TBC1D19: variants seen among roughly 807,000 people sequenced by gnomAD.
TBC1D19 encodes the protein TBC1 domain family, member 19.
A neutral mutation model predicts 89.0 loss-of-function variants in TBC1D19; 60 were observed. The observed-to-expected ratio is 0.67, with a 90% CI of 0.55 to 0.84. The LOEUF (loss-of-function observed/expected upper bound fraction) is 0.84, where lower values mean the gene tolerates loss of function less well. TBC1D19 is among the 40% of genes least tolerant of loss of function. The pLI is 0.00. For synonymous variants in TBC1D19, 189 were observed against 199.7 expected (o/e 0.95, Z 0.45); for missense variants, 500 against 610.8 (o/e 0.82, Z 1.91).
At chr4:26,692,644 G>A (rs1243500606) in intron 13 of TBC1D19, among the ~76,000 whole-genome samples, 1 of 152,084 alleles carries the variant, frequency 6.6e-6, no homozygotes, top group East Asian at 1.9e-4. Flanking sequence ...AACCTAATGG[G>A]TCTCTGAACA....
At chr4:26,731,626 C>G (rs1259544222) in intron 15 of TBC1D19, among the ~76,000 whole-genome samples, 1 of 152,028 alleles carries the variant, frequency 6.6e-6, no homozygotes, top group Non-Finnish European at 1.5e-5. Context: ...AAAGAGAAAA[C>G]AAGTATACAG....
intron 13 of TBC1D19, among the ~76,000 whole-genome samples, chr4:26,711,306 GA>G (rs1716171205): frequency 6.6e-6 from 1 of 151,898 alleles, no homozygotes; most frequent in Non-Finnish European, 1.5e-5. Context: ...GCTTGTTTTT[GA>G]CAGGTGAGGG....
At chr4:26,595,360 G>C (rs1387191697) in intron 1 of TBC1D19, among the ~76,000 whole-genome samples, 1 of 151,914 alleles carries the variant, frequency 6.6e-6, no homozygotes, top group Admixed American at 6.6e-5. Flanking sequence ...TCCAATCTGT[G>C]GCTAGTCTTT....
At chr4:26,600,829 C>G (rs1168730290) in intron 1 of TBC1D19, among the ~76,000 whole-genome samples, 1 of 152,182 alleles carries the variant, frequency 6.6e-6, no homozygotes, top group African/African-American at 2.4e-5. Context: ...GAAACTAGAG[C>G]TTATTCCTGG....
chr4:26,809,329 G>A, the TBC1D19 span, among the ~76,000 whole-genome samples: 1 of 152,154 alleles, frequency 6.6e-6, no homozygotes, highest in Admixed American at 6.5e-5. Context: ...TATGGCTGAG[G>A]GACTGGACAA....
intron 17 of TBC1D19, among the ~76,000 whole-genome samples, chr4:26,740,401 G>A (rs934718839): frequency 8.5e-5 from 13 of 152,104 alleles, no homozygotes; most frequent in African/African-American, 3.1e-4. Flanking sequence ...GGCCGTTGTT[G>A]TTATAATTAT....
the TBC1D19 span, among the ~76,000 whole-genome samples, chr4:26,801,323 T>A: frequency 2.6e-5 from 4 of 152,134 alleles, no homozygotes; most frequent in Admixed American, 1.3e-4. Context: ...GTTGTAGATA[T>A]GCGGCATTAT....
chr4:26,818,881 A>G, the TBC1D19 span, among the ~76,000 whole-genome samples: 1 of 152,238 alleles, frequency 6.6e-6, no homozygotes, highest in African/African-American at 2.4e-5. Context: ...AAAATCAAGG[A>G]CATAACCACT....
intron 3 of TBC1D19, among the ~76,000 whole-genome samples, chr4:26,615,582 C>T (rs1226024742): frequency 6.6e-6 from 1 of 151,974 alleles, no homozygotes; most frequent in African/African-American, 2.4e-5. Flanking sequence ...TGCAGCTTAC[C>T]AGAATTGTTT....
the TBC1D19 span, among the ~76,000 whole-genome samples, chr4:26,832,759 G>T: frequency 2.0e-5 from 3 of 152,176 alleles, no homozygotes; most frequent in Non-Finnish European, 4.4e-5. Context: ...TTGGGAGGCT[G>T]AGGCAGGCAG....
chr4:26,721,098 C>T (rs1182333513), intron 15 of TBC1D19, among the ~76,000 whole-genome samples: 7 of 151,924 alleles, frequency 4.6e-5, no homozygotes, highest in Non-Finnish European at 1.0e-4. Flanking sequence ...TGTTCTGCTG[C>T]TCTTCTCTTT....
chr4:26,689,185 A>G (rs992512076), intron 13 of TBC1D19, among the ~76,000 whole-genome samples: 56 of 152,256 alleles, frequency 3.7e-4, no homozygotes, highest in African/African-American at 1.3e-3. Flanking sequence ...GAGCTAAAGT[A>G]TAAAGACTTT....
At chr4:26,612,461 G>A (rs750427342) in intron 1 of TBC1D19, among the ~76,000 whole-genome samples, 63 of 151,870 alleles carry the variant, frequency 4.1e-4, no homozygotes, top group Non-Finnish European at 5.6e-4. Context: ...TGATTTCTTA[G>A]GTTTGAAATA....
the TBC1D19 span, among the ~76,000 whole-genome samples, chr4:26,848,785 G>C: frequency 6.6e-6 from 1 of 152,236 alleles, no homozygotes; most frequent in East Asian, 1.9e-4. Flanking sequence ...CATTAATGTA[G>C]CTTTCTTTCA....
At chr4:26,842,618 T>TTCTTTC in the TBC1D19 span, among the ~76,000 whole-genome samples, 3 of 145,536 alleles carry the variant, frequency 2.1e-5, no homozygotes, top group Admixed American at 2.1e-4. Flanking sequence ...CTTTCTTTCT[T>TTCTTTC]TCTTTCTTTC....
the TBC1D19 span, among the ~76,000 whole-genome samples, chr4:26,806,081 A>G: frequency 3.3e-5 from 5 of 152,136 alleles, no homozygotes; most frequent in Non-Finnish European, 7.4e-5. Flanking sequence ...CTCCAGCCAC[A>G]GGTGCCTCCT....
chr4:26,774,028 A>G, the TBC1D19 span, among the ~76,000 whole-genome samples: 1 of 152,156 alleles, frequency 6.6e-6, no homozygotes, highest in South Asian at 2.1e-4. Context: ...TCTCCGCATT[A>G]ACCCAATACT....
At chr4:26,633,836 C>G (rs768186753) in intron 4 of TBC1D19, among the ~76,000 whole-genome samples, 4 of 152,122 alleles carry the variant, frequency 2.6e-5, no homozygotes, top group Non-Finnish European at 5.9e-5. Flanking sequence ...TCAGCAGAAG[C>G]TACTTCTTTT....
the TBC1D19 span, among the ~76,000 whole-genome samples, chr4:26,800,840 T>G: frequency 6.6e-6 from 1 of 151,938 alleles, no homozygotes; most frequent in Non-Finnish European, 1.5e-5. Context: ...CTTCGCCCAC[T>G]TTTTGATGGG....
Sources: gnomAD v4.1 joint callset for allele counts (sites outside exome capture counted in the v4.1 genomes callset) on GRCh38, gnomAD v4.1.1 for gene constraint, MANE v1.5 for transcripts, NCBI Gene and HGNC (gene_info 2026-07-23, HGNC 2026-07-21) for gene names.